Variants in PPP1R9A observed in about 807,000 individuals in gnomAD.
PPP1R9A encodes the protein protein phosphatase 1 regulatory subunit 9A, also known as neurabin-1.
PPP1R9A carries 59 observed loss-of-function variants against 141.9 expected under a neutral mutation model. The observed-to-expected ratio is 0.42, with a 90% CI of 0.34 to 0.52. PPP1R9A has a LOEUF of 0.52. PPP1R9A is among the 20% of genes least tolerant of loss of function. The pLI is 0.10. For synonymous variants in PPP1R9A, 500 were observed against 569.7 expected (o/e 0.88, Z 1.74); for missense variants, 1,444 against 1,611.9 (o/e 0.90, Z 1.78).
chr7:95,144,398 A>T (rs1056755561), intron 4 of PPP1R9A, among the ~76,000 whole-genome samples: 2 of 152,134 alleles, frequency 1.3e-5, no homozygotes, highest in African/African-American at 4.8e-5. Context: ...TTTATCCATC[A>T]ACAGACACTG....
chr7:95,252,648 AGTAGAG>A (rs1448608832), intron 12 of PPP1R9A, among the ~76,000 whole-genome samples: 9 of 151,826 alleles, frequency 5.9e-5, no homozygotes, highest in Admixed American at 5.9e-4. Flanking sequence ...TTGTATTTTT[AGTAGAG>A]GTGGGCTTTT....
Position 95,290,406 on chromosome 7 carries a change from T to C in PPP1R9A, c.*103T>C, listed in dbSNP as rs1806196920. On this transcript the variant is annotated 3_prime_UTR_variant, in exon 20 of 20. Transcript: ENST00000433360. Reference sequence around the variant, plus strand: ...TGAAAAAGAAACTAAATGATAAGGGTAATGCGGCTCTAGGCCGGCTGAGGA... The same window carrying C: ...TGAAAAAGAAACTAAATGATAAGGGCAATGCGGCTCTAGGCCGGCTGAGGA... 2 of 1,300,460 alleles carry C rather than the reference T, an allele frequency of 1.5e-6. No individual in the cohort carries two copies. The highest frequency in any genetic ancestry group is 2.8e-5 in the Admixed American group (1 of 36,078). 80.6% of individuals were successfully genotyped at this position (1,300,460 alleles called of 1,614,324 possible).
At position 94,980,636 on chromosome 7, in the gene PPP1R9A, T is replaced by A. The variant is rs141459617; in HGVS notation, c.1395+69128T>A. On this transcript the variant is annotated intron_variant, in intron 2 of 19. Coordinates refer to ENST00000433360, the MANE Select transcript of PPP1R9A (RefSeq NM_001166160.2). ...TTTTTTTTTTAGAAAAAGTTGGACA[T>A]GAGCTAAATTGATTTCATAACCCTT... 6.0e-3 allele frequency among the ~76,000 whole-genome samples: 906 copies of A among 150,474 alleles called. 10 individuals carry two copies. The highest frequency in any genetic ancestry group is 0.021 in the African/African-American group (842 of 40,992).
intron 2 of PPP1R9A, among the ~76,000 whole-genome samples, chr7:95,081,637 A>T (rs1484044635): frequency 6.6e-6 from 1 of 152,192 alleles, no homozygotes. Context: ...GCATTAGTAA[A>T]CCATGAGGTA....
intron 4 of PPP1R9A, among the ~76,000 whole-genome samples, chr7:95,142,123 T>G (rs1360896703): frequency 6.6e-6 from 1 of 152,104 alleles, no homozygotes; most frequent in Non-Finnish European, 1.5e-5. Flanking sequence ...ATGTTGAACA[T>G]TTTTTTCATG....
chr7:95,079,186 A>G lies in PPP1R9A; in HGVS notation c.1396-32073A>G, dbSNP rs985445519. ...AGGTGTAAGGAAGGGATCCAGTTTCAGCTTTCTACATATGGCTAGCCAGTT... is the reference window on the plus strand; with the variant it reads ...AGGTGTAAGGAAGGGATCCAGTTTCGGCTTTCTACATATGGCTAGCCAGTT... On this transcript the variant is annotated intron_variant, in intron 2 of 19. Coordinates refer to ENST00000433360, the MANE Select transcript of PPP1R9A (RefSeq NM_001166160.2). 1.7e-4 allele frequency among the ~76,000 whole-genome samples: 26 copies of G among 152,312 alleles called. No homozygotes were observed. The East Asian group carries it at 2.5e-3, about 15-fold the overall frequency.
intron 3 of PPP1R9A, among the ~76,000 whole-genome samples, chr7:95,114,855 C>G (rs1328796929): frequency 6.8e-6 from 1 of 147,762 alleles, no homozygotes; most frequent in Non-Finnish European, 1.5e-5. Flanking sequence ...ATATCCCAAA[C>G]CATCGTGGAA....
At chr7:95,118,798 C>T (rs1415014568) in intron 3 of PPP1R9A, among the ~76,000 whole-genome samples, 2 of 141,942 alleles carry the variant, frequency 1.4e-5, no homozygotes, top group Non-Finnish European at 3.0e-5. Flanking sequence ...TGGTGAAACC[C>T]TGTCTGTACA....
rs116678990 is a variant in PPP1R9A, at chr7:95,202,147, G to A, written c.1891-1518G>A. On this transcript the variant is annotated intron_variant, in intron 6 of 19. Transcript: ENST00000433360. ...ACTTACAATATATTGCTTATGCTTA[G>A]ACATATCTGTTTCAATGCTTTAGGA... is the stretch of plus-strand genomic sequence containing the variant. Among the ~76,000 whole-genome samples, 1,237 of 152,238 alleles carry A rather than the reference G, an allele frequency of 8.1e-3. 17 individuals carry two copies. Among genetic ancestry groups the A allele is most frequent in the African/African-American group, 0.028 (1,161 of 41,532 alleles).
chr7:95,132,002 G>C (rs1824728525), intron 4 of PPP1R9A, among the ~76,000 whole-genome samples: 1 of 152,070 alleles, frequency 6.6e-6, no homozygotes, highest in Admixed American at 6.6e-5. Flanking sequence ...GAGTGGTATT[G>C]ATGTATAGAA....
At chr7:95,219,732 C>T (rs775887440) in intron 7 of PPP1R9A, among the ~76,000 whole-genome samples, 5 of 152,032 alleles carry the variant, frequency 3.3e-5, no homozygotes, top group Non-Finnish European at 5.9e-5. Context: ...TTCATTTCTT[C>T]GAATCCTCTC....
At chr7:94,936,077 T>G (rs909293440) in intron 2 of PPP1R9A, among the ~76,000 whole-genome samples, 10 of 152,232 alleles carry the variant, frequency 6.6e-5, no homozygotes, top group African/African-American at 2.4e-4. Flanking sequence ...GGTAATCAAG[T>G]CTAAATTAAA....
At chr7:95,264,475 G>A (rs1040525964) in intron 12 of PPP1R9A, among the ~76,000 whole-genome samples, 3 of 152,148 alleles carry the variant, frequency 2.0e-5, no homozygotes, top group South Asian at 2.1e-4. Context: ...CAGTATTACT[G>A]TAGGGAACTG....
At chr7:95,144,894 T>G (rs1179330113) in intron 4 of PPP1R9A, among the ~76,000 whole-genome samples, 1 of 152,190 alleles carries the variant, frequency 6.6e-6, no homozygotes, top group Non-Finnish European at 1.5e-5. Context: ...CAGGATCAAC[T>G]TTACTGAGTG....
chr7:95,204,123 T>G (rs140161769), intron 7 of PPP1R9A, among the ~76,000 whole-genome samples: 2 of 152,348 alleles, frequency 1.3e-5, no homozygotes, highest in East Asian at 1.9e-4. Context: ...GAAAATAATC[T>G]TTTGATACAA....
In PPP1R9A at chr7:95,181,464, T is replaced by G. The variant is rs1035637528; in HGVS notation, c.1755-16885T>G. ...TTCCATCATATATATAGAATATATA[T>G]AGAGAATATATATATTCCATCATAT... On this transcript the variant is annotated intron_variant, in intron 5 of 19. Transcript: ENST00000433360. Among the ~76,000 whole-genome samples, 349 of 136,642 alleles carry G rather than the reference T, an allele frequency of 2.6e-3. 5 individuals carry two copies. Among genetic ancestry groups the G allele is most frequent in the African/African-American group, 8.9e-3 (328 of 36,946 alleles). The allele number at this position is 136,642 out of a possible 152,430, so 89.6% of individuals were successfully genotyped here. A position where few individuals can be genotyped will look rare whatever the true frequency, so the allele number is the denominator to read the frequency against.
intron 16 of PPP1R9A, among the ~76,000 whole-genome samples, chr7:95,283,438 C>T (rs963566528): frequency 6.6e-6 from 1 of 152,180 alleles, no homozygotes; most frequent in Non-Finnish European, 1.5e-5. Context: ...AACCCTGGCC[C>T]TCCAAGTGGG....
chr7:95,240,975 T>C (rs1797371457), intron 8 of PPP1R9A, among the ~76,000 whole-genome samples: 1 of 152,152 alleles, frequency 6.6e-6, no homozygotes, highest in African/African-American at 2.4e-5. Flanking sequence ...ATTCACTTTT[T>C]GATTATGAAT....
intron 8 of PPP1R9A, among the ~76,000 whole-genome samples, chr7:95,245,440 TGTCTTCTCCAATCTTTA>T (rs1797996358): frequency 6.6e-6 from 1 of 152,180 alleles, no homozygotes; most frequent in South Asian, 2.1e-4. Flanking sequence ...CCAGGTTGGC[TGTCTTCTCCAATCTTTA>T]GTCTTCCCGT....
Sources: allele counts gnomAD v4.1 joint callset (sites outside exome capture counted in the v4.1 genomes callset), GRCh38; gene constraint gnomAD v4.1.1; transcripts MANE v1.5; gene names NCBI Gene and HGNC (gene_info 2026-07-23, HGNC 2026-07-21).